Variants in IL6R observed in about 807,000 individuals in gnomAD.
IL6R encodes interleukin-6 receptor subunit alpha.
Under a neutral mutation model 48.3 loss-of-function variants are expected in IL6R, and 38 were observed. The observed-to-expected ratio is 0.79, with a 90% CI of 0.61 to 1.03. The LOEUF is 1.03. Ranked by LOEUF, IL6R falls within the 50% of genes least tolerant of loss-of-function variation. IL6R has a pLI of 0.00. For missense variants in IL6R, 534 were observed against 618.3 expected (o/e 0.86, Z 1.45); for synonymous variants, 264 against 256.2 (o/e 1.03, Z -0.29).
At chr1:154,461,563 T>G (rs1691267169) in intron 9 of IL6R, among the ~76,000 whole-genome samples, 1 of 152,238 alleles carries the variant, frequency 6.6e-6, no homozygotes, top group African/African-American at 2.4e-5. Flanking sequence ...ATTCCTAGGT[T>G]ATATTAGTAA....
At chr1:154,448,415 C>T (rs531506050) in intron 7 of IL6R, among the ~76,000 whole-genome samples, 2 of 152,204 alleles carry the variant, frequency 1.3e-5, no homozygotes, top group Non-Finnish European at 2.9e-5. Flanking sequence ...CTAGCAGCTG[C>T]TATTTCATCT....
intron 1 of IL6R, among the ~76,000 whole-genome samples, chr1:154,425,677 G>A (rs115907017): frequency 3.3e-5 from 5 of 151,810 alleles, no homozygotes; most frequent in South Asian, 2.1e-4. Flanking sequence ...GGGAAGCTGC[G>A]GTGGGAGGAT....
At chr1:154,461,301 G>A (rs945507848) in intron 9 of IL6R, among the ~76,000 whole-genome samples, 6 of 152,166 alleles carry the variant, frequency 3.9e-5, no homozygotes, top group African/African-American at 7.2e-5. Context: ...GGATGACTGC[G>A]GGCAGGCCTG....
Position 154,405,562 on chromosome 1 carries a change from C to A in IL6R, c.-68C>A. On this transcript the variant is annotated 5_prime_UTR_variant, in exon 1 of 10. Coordinates refer to ENST00000368485, the MANE Select transcript of IL6R (RefSeq NM_000565.4). The surrounding 1 kb of genome is among the most constrained non-coding windows in gnomAD (Gnocchi z 5.2). ...ACCGCCCCGCCCCGCCCCTGCCACC[C>A]CTGCCGCCCGGTTCCCATTAGCCTG... 1.8e-6 allele frequency: 2 copies of A among 1,140,758 alleles called. No individual in the cohort carries two copies. Among genetic ancestry groups the A allele is most frequent in the South Asian group, 1.4e-5 (1 of 69,670 alleles). The allele number at this position is 1,140,758 out of a possible 1,614,324, so 70.7% of individuals were successfully genotyped here. A position where few individuals can be genotyped will look rare whatever the true frequency, so the allele number is the denominator to read the frequency against.
chr1:154,431,375 G>T (rs1020642086), intron 3 of IL6R, among the ~76,000 whole-genome samples: 1 of 152,158 alleles, frequency 6.6e-6, no homozygotes, highest in Admixed American at 6.5e-5. Flanking sequence ...AGAATATAGG[G>T]CAAGGAGGTC....
intron 1 of IL6R, chr1:154,415,262 A>T (rs1688270317): frequency 1.8e-6 from 1 of 570,704 alleles, no homozygotes. Context: ...GGTATTGTTA[A>T]AAGTTTTAAA....
chr1:154,441,820 C>T (rs6664201), intron 6 of IL6R, among the ~76,000 whole-genome samples: 49,458 of 151,886 alleles, frequency 0.33, 9,331 homozygotes, highest in Admixed American at 0.49. Context: ...CACAGAGGTC[C>T]TGGGAAGCAC....
intron 6 of IL6R, among the ~76,000 whole-genome samples, chr1:154,436,720 C>T (rs1044791986): frequency 4.6e-5 from 7 of 152,276 alleles, no homozygotes; most frequent in East Asian, 1.9e-4. Flanking sequence ...TCAGGGCAGG[C>T]GGGTGGGGAT....
chr1:154,430,348 G>A, intron 2 of IL6R, 135 bp from the exon 3 acceptor site: 1 of 1,097,412 alleles, frequency 9.1e-7, no homozygotes. Flanking sequence ...TGTGGCCAGG[G>A]TCCTGACTAG....
chr1:154,430,668 AGGGGCT>A, intron 3 of IL6R, 62 bp downstream of exon 3: 3 of 1,604,036 alleles, frequency 1.9e-6, no homozygotes, highest in Non-Finnish European at 2.6e-6. Flanking sequence ...CCCCCCAGAG[AGGGGCT>A]GGTTCAGGTG....
intron 6 of IL6R, among the ~76,000 whole-genome samples, chr1:154,440,918 A>G (rs1689897430): frequency 6.6e-6 from 1 of 152,074 alleles, no homozygotes; most frequent in African/African-American, 2.4e-5. Flanking sequence ...CTCCCAAAGT[A>G]CTGGGATTAC....
intron 6 of IL6R, chr1:154,437,358 A>C: frequency 3.6e-6 from 1 of 275,580 alleles, no homozygotes. Flanking sequence ...CAGCCTCCCA[A>C]AGTGCTGGGA....
At chr1:154,439,792 T>C (rs535723349) in intron 6 of IL6R, among the ~76,000 whole-genome samples, 5 of 152,362 alleles carry the variant, frequency 3.3e-5, no homozygotes, top group African/African-American at 1.2e-4. Flanking sequence ...CCAGTCTACT[T>C]GCTTTTTCTG....
At chr1:154,424,769 T>C (rs12060250) in intron 1 of IL6R, among the ~76,000 whole-genome samples, 1 of 152,186 alleles carries the variant, frequency 6.6e-6, no homozygotes, top group Non-Finnish European at 1.5e-5. Flanking sequence ...TTCAACGCAC[T>C]GGACCGTGTG....
At chr1:154,442,780 A>C (rs1570977800) in intron 6 of IL6R, among the ~76,000 whole-genome samples, 4 of 127,190 alleles carry the variant, frequency 3.1e-5, no homozygotes, top group African/African-American at 1.0e-4. Flanking sequence ...TCACAAAATC[A>C]TTTTCTTCTT....
intron 3 of IL6R, among the ~76,000 whole-genome samples, chr1:154,433,258 C>T (rs1689410706): frequency 6.6e-6 from 1 of 152,234 alleles, no homozygotes; most frequent in South Asian, 2.1e-4. Context: ...AGGTGGCAGA[C>T]TCGTCACCCC....
chr1:154,460,584 G>A (rs1437591483), intron 9 of IL6R, among the ~76,000 whole-genome samples: 1 of 152,138 alleles, frequency 6.6e-6, no homozygotes, highest in Non-Finnish European at 1.5e-5. Flanking sequence ...CATCCAAAGA[G>A]AGCCACTGTT....
intron 6 of IL6R, among the ~76,000 whole-genome samples, chr1:154,442,758 A>G (rs937823788): frequency 1.3e-5 from 2 of 150,148 alleles, no homozygotes; most frequent in African/African-American, 4.9e-5. Flanking sequence ...ATCAACATTG[A>G]GTCTGGGGGA....
intron 1 of IL6R, among the ~76,000 whole-genome samples, chr1:154,421,883 T>C (rs1250148906): frequency 6.6e-6 from 1 of 151,838 alleles, no homozygotes; most frequent in Non-Finnish European, 1.5e-5. Flanking sequence ...AGCCTCCCAA[T>C]GTGCTGGGAT....
Sources: allele counts gnomAD v4.1 joint callset (sites outside exome capture counted in the v4.1 genomes callset), GRCh38; gene constraint gnomAD v4.1.1; non-coding constraint Gnocchi (gnomAD v3.1); transcripts MANE v1.5; gene names NCBI Gene and HGNC (gene_info 2026-07-23, HGNC 2026-07-21).